The following TCEANC2 variants were observed in gnomAD, a reference collection of about 807,000 sequenced individuals.
TCEANC2 encodes transcription elongation factor A N-terminal and central domain containing 2, also known as transcription elongation factor A N-terminal and central domain-containing protein 2.
A neutral mutation model predicts 22.8 loss-of-function variants in TCEANC2; 20 were observed. The ratio of observed to expected loss-of-function variants is 0.88; its 90% CI spans 0.62 to 1.28. The LOEUF is 1.28. TCEANC2 is among the 50% of genes most tolerant of loss of function. The pLI is 0.00. For synonymous variants in TCEANC2, 84 were observed against 95.5 expected (o/e 0.88, Z 0.70); for missense variants, 251 against 249.7 (o/e 1.01, Z -0.03).
intron 2 of TCEANC2, among the ~76,000 whole-genome samples, chr1:54,061,209 C>T (rs1160212555): frequency 6.6e-6 from 1 of 152,186 alleles, no homozygotes; most frequent in East Asian, 1.9e-4. Context: ...CAGCTAGGTC[C>T]ACTTTCTGCC....
chr1:54,071,369 CA>C (rs1658053288), intron 3 of TCEANC2, among the ~76,000 whole-genome samples: 1 of 152,152 alleles, frequency 6.6e-6, no homozygotes, highest in South Asian at 2.1e-4. Flanking sequence ...GGGTTGCAGT[CA>C]TCTGAAGGCT....
intron 3 of TCEANC2, among the ~76,000 whole-genome samples, chr1:54,087,347 TA>T (rs1439409348): frequency 6.6e-6 from 1 of 152,220 alleles, no homozygotes; most frequent in Non-Finnish European, 1.5e-5. Flanking sequence ...GAGAATATTA[TA>T]ACTAACTCTC....
chr1:54,089,925 C>A, intron 4 of TCEANC2: 1 of 755,786 alleles, frequency 1.3e-6, no homozygotes, highest in Non-Finnish European at 2.3e-6. Context: ...AATGGCAAGG[C>A]AGAGCCACCG....
At chr1:54,107,184 C>G (rs542504386), downstream of TCEANC2, among the ~76,000 whole-genome samples, 1 of 152,276 alleles carries the variant, frequency 6.6e-6, no homozygotes, top group East Asian at 1.9e-4. Context: ...CCCTTGTTCC[C>G]CATAACCTTG....
Position 54,056,391 on chromosome 1 carries a change from C to T in TCEANC2, c.102+1867C>T, listed in dbSNP as rs112427573. Among the ~76,000 whole-genome samples, 875 of 151,962 alleles carry T rather than the reference C, an allele frequency of 5.8e-3. 6 individuals carry two copies. Among genetic ancestry groups the T allele is most frequent in the African/African-American group, 0.02 (819 of 41,390 alleles). ...TGGTGGGATCTTGGCTCACTGCAAC[C>T]TCTGCCTCCCTGCAACCTCTGCCTC... On this transcript the variant is annotated intron_variant, in intron 2 of 4. Transcript: ENST00000234827.
intron 4 of TCEANC2, among the ~76,000 whole-genome samples, chr1:54,092,517 G>C (rs1051747720): frequency 2.6e-5 from 4 of 152,218 alleles, no homozygotes; most frequent in African/African-American, 9.7e-5. Flanking sequence ...CAAGAAAGAA[G>C]GGTTACACAT....
rs150921553 is a variant in TCEANC2, at chr1:54,096,050, A to C, written c.439-235A>C. Reference sequence around the variant, plus strand: ...GCTTAGTTCAGGCCAGTTTCCTGTTATATTACCACCCGGCAGGGGTTGTGA... The same window carrying C: ...GCTTAGTTCAGGCCAGTTTCCTGTTCTATTACCACCCGGCAGGGGTTGTGA... On this transcript the variant is annotated intron_variant, in intron 4 of 4. Transcript: ENST00000234827. The surrounding 1 kb of genome is among the most constrained non-coding windows in gnomAD (Gnocchi z 4.9). Among the ~76,000 whole-genome samples the C allele has an allele frequency of 2.0e-5, 3 of 152,292 alleles. No homozygotes were observed. The East Asian group carries it at 5.8e-4, about 29-fold the overall frequency.
At position 54,100,304 on chromosome 1, in the gene TCEANC2, G is replaced by C. The variant is rs1286555336; in HGVS notation, c.*3831G>C. The C allele has an allele frequency of 6.6e-6, 1 of 152,074 alleles. No homozygotes were observed. Among genetic ancestry groups the C allele is most frequent in the African/African-American group, 2.4e-5 (1 of 41,406 alleles). The allele number at this position is 152,074 out of a possible 1,614,324, so 9.4% of individuals were successfully genotyped here. A position where few individuals can be genotyped will look rare whatever the true frequency, so the allele number is the denominator to read the frequency against. ...TGGAGGTCTTGGTCCTCTGTGTAGG[G>C]ACTCAGTCTCTGTATTTTCATTCAT... is the stretch of plus-strand genomic sequence containing the variant. On this transcript the variant is annotated 3_prime_UTR_variant, in exon 5 of 5. Transcript: ENST00000234827.
Position 54,088,688 on chromosome 1 carries a change from A to T in TCEANC2, c.336A>T (p.Glu112Asp). The T allele has an allele frequency of 6.2e-7, 1 of 1,611,642 alleles. No homozygotes were observed. Residue 112 changes from glutamate (E) to aspartate (D), a missense_variant, in exon 4 of 5, where the codon GAA (glutamate) becomes GAT (aspartate). Physicochemically the swap from Glu to Asp is conservative, Grantham distance 45. Transcript: ENST00000234827. The stretch of plus-strand genomic sequence containing the variant: ...ACACTGAGTGGAAAACTTTCACTGA[A>T]AAACATTCAAATAGACCTTCTATTG... ...EVYTEWKTFTEKHSNRPSIEV... is the reference protein window; with the variant it reads ...EVYTEWKTFTDKHSNRPSIEV...
In TCEANC2 at chr1:54,088,603, C is replaced by G. The variant is rs762802716; in HGVS notation, c.251C>G (p.Thr84Ser). Residue 84 changes from threonine to serine, a missense_variant, in exon 4 of 5, where the codon ACT (threonine) becomes AGT (serine). Coordinates refer to ENST00000234827, the MANE Select transcript of TCEANC2 (RefSeq NM_153035.3). The stretch of plus-strand genomic sequence containing the variant: ...TTTTCTCTTCCTGTTCCAGGTCACA[C>G]TGTGAACAAGATGCGTAAACACTCA... Reference protein sequence around the residue: ...EVLKSTRIGHTVNKMRKHSDS... With the variant: ...EVLKSTRIGHSVNKMRKHSDS... The G allele has an allele frequency of 1.2e-6, 2 of 1,600,064 alleles. No homozygotes were observed. The highest frequency in any genetic ancestry group is 1.8e-5 in the Admixed American group (1 of 57,046).
At position 54,088,741 on chromosome 1, in the gene TCEANC2, C is replaced by T. The variant is rs142956141; in HGVS notation, c.389C>T (p.Ser130Leu). ...GTTAGAAGTGATCCCAAAACCGAGT[C>T]GTTGAGGAAAAATGCTCAGAAATTA... ...IEVRSDPKTE[S>L]LRKNAQKLLS... The change falls in exon 4 of 5, where the codon TCG (serine) becomes TTG (leucine). Residue 130 changes from serine (S) to leucine (L), a missense_variant. Ser to Leu is a moderately radical substitution (Grantham distance 145, BLOSUM62 -2). Coordinates refer to ENST00000234827, the MANE Select transcript of TCEANC2 (RefSeq NM_153035.3). 14 of 1,597,978 alleles carry T rather than the reference C, an allele frequency of 8.8e-6. No individual in the cohort carries two copies. The Middle Eastern group carries it at 7.3e-4, about 83-fold the overall frequency.
At chr1:54,065,888 AGAGT>A (rs1235359337) in intron 2 of TCEANC2, among the ~76,000 whole-genome samples, 1 of 152,182 alleles carries the variant, frequency 6.6e-6, no homozygotes, top group Non-Finnish European at 1.5e-5. Context: ...ACTGGGCAAC[AGAGT>A]GAGACCCCAT....
At chr1:54,077,238 T>G (rs1658160460) in intron 3 of TCEANC2, among the ~76,000 whole-genome samples, 1 of 152,240 alleles carries the variant, frequency 6.6e-6, no homozygotes. Context: ...TCGCTCTTTC[T>G]GCTTTCAGAC....
intron 2 of TCEANC2, among the ~76,000 whole-genome samples, chr1:54,060,790 A>G (rs1657838229): frequency 6.6e-6 from 1 of 151,992 alleles, no homozygotes; most frequent in South Asian, 2.1e-4. Context: ...AAATACAAAA[A>G]TTAGCCGGGT....
At chr1:54,090,579 A>G (rs1013003829) in intron 4 of TCEANC2, among the ~76,000 whole-genome samples, 5 of 152,046 alleles carry the variant, frequency 3.3e-5, no homozygotes, top group Non-Finnish European at 5.9e-5. Context: ...TTTCATGTTT[A>G]TAATTTTTAA....
rs1658604855 is a variant in TCEANC2 at position 54,098,853 on chromosome 1, GTAAT to G, written c.*2386_*2389del. 1 of 152,228 alleles carries G rather than the reference GTAAT, an allele frequency of 6.6e-6. No homozygotes were observed. The highest frequency in any genetic ancestry group is 2.1e-4 in the South Asian group (1 of 4,828). The allele number at this position is 152,228 out of a possible 1,614,324, so 9.4% of individuals were successfully genotyped here. On this transcript the variant is annotated 3_prime_UTR_variant, in exon 5 of 5. Coordinates refer to ENST00000234827, the MANE Select transcript of TCEANC2 (RefSeq NM_153035.3). ...AAAATTTCAAAATTAAAGGGCAGGA[GTAAT>G]TAATTGGGTGGTTGAGATGCATGCC...
At chr1:54,107,535 C>T (rs1402278916), downstream of TCEANC2, among the ~76,000 whole-genome samples, 1 of 152,060 alleles carries the variant, frequency 6.6e-6, no homozygotes, top group Non-Finnish European at 1.5e-5. Context: ...AACTCCACCT[C>T]CTGGAGAGTG....
intron 3 of TCEANC2, among the ~76,000 whole-genome samples, chr1:54,078,181 G>A (rs1268524665): frequency 2.0e-5 from 3 of 151,480 alleles, no homozygotes; most frequent in African/African-American, 7.3e-5. Context: ...CATGTTCTTT[G>A]TACATTTACT....
intron 3 of TCEANC2, among the ~76,000 whole-genome samples, chr1:54,078,023 GGTT>G (rs1287930947): frequency 6.6e-6 from 1 of 152,086 alleles, no homozygotes; most frequent in African/African-American, 2.4e-5. Flanking sequence ...TTTTTAGAAA[GGTT>G]GTTCCAATTT....
Sources: allele counts gnomAD v4.1 joint callset (sites outside exome capture counted in the v4.1 genomes callset), GRCh38; gene constraint gnomAD v4.1.1; non-coding constraint Gnocchi (gnomAD v3.1); transcripts MANE v1.5; gene names NCBI Gene and HGNC (gene_info 2026-07-23, HGNC 2026-07-21).